The following LRRC36 variants were observed in gnomAD, a reference collection of about 807,000 sequenced individuals.
LRRC36 encodes the protein leucine rich repeat containing 36, also known as leucine-rich repeat-containing protein 36.
Under a neutral mutation model 81.1 loss-of-function variants are expected in LRRC36, and 62 were observed. That is an observed-to-expected ratio of 0.76 (90% CI 0.62 to 0.94). The LOEUF is 0.94. Ranked by LOEUF, LRRC36 falls within the 40% of genes least tolerant of loss-of-function variation. LRRC36 has a pLI of 0.00. For missense variants in LRRC36, 761 were observed against 881.7 expected (o/e 0.86, Z 1.73); for synonymous variants, 334 against 348.6 (o/e 0.96, Z 0.47).
chr16:67,326,923 G>T lies in LRRC36; in HGVS notation c.61G>T (p.Glu21Ter). 6.7e-7 allele frequency: 1 copy of T among 1,495,032 alleles called. No homozygotes were observed. The allele number at this position is 1,495,032 out of a possible 1,614,324, so 92.6% of individuals were successfully genotyped here. A position where few individuals can be genotyped will look rare whatever the true frequency, so the allele number is the denominator to read the frequency against. The change falls in exon 1 of 14, where the codon GAG becomes TAG. Residue 21 changes from glutamate to a stop codon, truncating the protein, a stop_gained. Coordinates refer to ENST00000329956, the MANE Select transcript of LRRC36 (RefSeq NM_018296.6). LOFTEE classifies it high-confidence loss of function. The part of the protein sequence containing the change: ...GIRRLGALTL[E>*]QPELVESLSL... ...TCGCCGCCTGGGGGCGCTGACGCTG[G>T]AGCAGCCGGGTAGGGTCTGGCCGGG...
chr16:67,342,392 C>G (rs750765605), intron 2 of LRRC36, among the ~76,000 whole-genome samples: 2 of 152,126 alleles, frequency 1.3e-5, no homozygotes, highest in Admixed American at 1.3e-4. Context: ...AGTACAGATT[C>G]TCAGTCCCTA....
intron 5 of LRRC36, among the ~76,000 whole-genome samples, chr16:67,355,205 A>G (rs981969551): frequency 2.0e-5 from 3 of 152,192 alleles, no homozygotes; most frequent in Non-Finnish European, 4.4e-5. Context: ...AATTATGACT[A>G]GAACTGTTAT....
At chr16:67,356,064 A>C (rs2038892240) in intron 5 of LRRC36, among the ~76,000 whole-genome samples, 1 of 152,252 alleles carries the variant, frequency 6.6e-6, no homozygotes, top group South Asian at 2.1e-4. Flanking sequence ...TGTCTTACTA[A>C]GAACAATTTA....
At chr16:67,330,731 G>A (rs1193528720) in intron 1 of LRRC36, among the ~76,000 whole-genome samples, 1 of 152,052 alleles carries the variant, frequency 6.6e-6, no homozygotes, top group Non-Finnish European at 1.5e-5. Context: ...CCGGCATGGT[G>A]GCAGGTGCCT....
At chr16:67,352,422 C>G (rs1354113174) in intron 5 of LRRC36, among the ~76,000 whole-genome samples, 1 of 152,136 alleles carries the variant, frequency 6.6e-6, no homozygotes, top group Non-Finnish European at 1.5e-5. Flanking sequence ...ATGGTGTTTT[C>G]CCACCAATCA....
intron 5 of LRRC36, among the ~76,000 whole-genome samples, chr16:67,352,844 A>AGGGG (rs1366556943): frequency 6.6e-6 from 1 of 151,584 alleles, no homozygotes; most frequent in Non-Finnish European, 1.5e-5. Flanking sequence ...TGCACAGCTA[A>AGGGG]GTTTTGTATT....
Position 67,367,137 on chromosome 16 carries a change from T to G in LRRC36, c.875T>G (p.Leu292Trp), listed in dbSNP as rs1186801871. ...TCAGGTTCTTCTCCAGAAAAGGAAT[T>G]GATACCAAAACCTGATACTTTTCAT... ...KSSGSSPEKE[L>W]IPKPDTFHLT... is the part of the protein sequence containing the mutation. The change falls in exon 8 of 14, where the codon TTG (leucine) becomes TGG (tryptophan). Residue 292 changes from leucine (L) to tryptophan (W), a missense_variant. Physicochemically the swap from Leu to Trp is moderately conservative, Grantham distance 61. This residue lies in a region of LRRC36 where 139 missense variants were observed against 214.0 expected (regional missense o/e 0.65). Coordinates refer to ENST00000329956, the MANE Select transcript of LRRC36 (RefSeq NM_018296.6). 3 of 1,614,068 alleles carry G rather than the reference T, an allele frequency of 1.9e-6. No individual in the cohort carries two copies. Among genetic ancestry groups the G allele is most frequent in the Non-Finnish European group, 2.5e-6 (3 of 1,180,032 alleles).
chr16:67,350,365 G>A, intron 5 of LRRC36, 75 bp downstream of exon 5: 2 of 1,185,516 alleles, frequency 1.7e-6, no homozygotes, highest in Non-Finnish European at 2.5e-6. Flanking sequence ...TATTGGGTAA[G>A]ATGAAGACAC....
chr16:67,384,435 G>GA (rs898600547), intron 13 of LRRC36, among the ~76,000 whole-genome samples: 4 of 149,620 alleles, frequency 2.7e-5, no homozygotes, highest in East Asian at 1.9e-4. Flanking sequence ...ACTCTATCTC[G>GA]AAAAAAAAAA....
chr16:67,378,796 G>C, intron 12 of LRRC36, 84 bp downstream of exon 12: 1 of 1,479,340 alleles, frequency 6.8e-7, no homozygotes. Context: ...CCTTCATCAT[G>C]CTAGCTCACG....
intron 2 of LRRC36, among the ~76,000 whole-genome samples, chr16:67,343,540 C>G (rs2038193713): frequency 6.6e-6 from 1 of 151,800 alleles, no homozygotes; most frequent in South Asian, 2.1e-4. Context: ...ACTAAAAATA[C>G]AAAAATTAGC....
intron 7 of LRRC36, 34 bp downstream of exon 7, chr16:67,365,389 A>G (rs758963426): frequency 3.4e-5 from 54 of 1,586,650 alleles, no homozygotes; most frequent in Middle Eastern, 1.7e-4. Context: ...TTTTTCCCCC[A>G]CACTAATCAG....
intron 1 of LRRC36, among the ~76,000 whole-genome samples, chr16:67,335,773 C>T (rs1260064391): frequency 6.6e-6 from 1 of 151,402 alleles, no homozygotes; most frequent in Non-Finnish European, 1.5e-5. Flanking sequence ...GCTGTTGTTG[C>T]CCAGGCTGGA....
chr16:67,326,980 C>T, intron 1 of LRRC36, 48 bp downstream of exon 1: 1 of 1,458,292 alleles, frequency 6.9e-7, no homozygotes, highest in Non-Finnish European at 9.0e-7. Context: ...GGGTCAGAAG[C>T]TGTGGAAAGA....
At chr16:67,378,531 C>G (rs2039996296) in intron 11 of LRRC36, 58 bp from the exon 12 acceptor site, 1 of 1,560,518 alleles carries the variant, frequency 6.4e-7, no homozygotes, top group Non-Finnish European at 8.8e-7. Context: ...TGAGCCACGG[C>G]ACCCAGCCTA....
chr16:67,360,897 G>GA (rs1210779968), intron 5 of LRRC36, among the ~76,000 whole-genome samples: 7 of 152,094 alleles, frequency 4.6e-5, no homozygotes, highest in East Asian at 3.9e-4. Flanking sequence ...AATCCTGCTG[G>GA]AAAAAAATTC....
At chr16:67,341,098 GTACTCTACA>G (rs1354045040) in intron 1 of LRRC36, among the ~76,000 whole-genome samples, 22 of 101,150 alleles carry the variant, frequency 2.2e-4, no homozygotes, top group African/African-American at 1.1e-3. Context: ...TATAGAATAT[GTACTCTACA>G]TATTCTATAG....
intron 13 of LRRC36, among the ~76,000 whole-genome samples, chr16:67,382,563 A>G (rs1359287325): frequency 1.3e-5 from 2 of 152,192 alleles, no homozygotes; most frequent in Non-Finnish European, 2.9e-5. Flanking sequence ...AAAGTCGGCC[A>G]TCTGGCTCCT....
intron 1 of LRRC36, among the ~76,000 whole-genome samples, chr16:67,328,979 G>T (rs749344030): frequency 2.0e-5 from 3 of 151,788 alleles, no homozygotes; most frequent in African/African-American, 4.8e-5. Flanking sequence ...GCGTGATCTC[G>T]GCTCACTGTA....
Sources: gnomAD v4.1 joint callset for allele counts (sites outside exome capture counted in the v4.1 genomes callset) on GRCh38, gnomAD v4.1.1 for gene constraint, gnomAD v4.1.1 regional missense constraint, MANE v1.5 for transcripts, NCBI Gene and HGNC (gene_info 2026-07-23, HGNC 2026-07-21) for gene names.